ERBB4: variants seen among roughly 807,000 people sequenced by gnomAD.
ERBB4 encodes the protein erb-b2 receptor tyrosine kinase 4.
In ERBB4, 42 loss-of-function variants were observed where a neutral mutation model predicts 158.0. The observed-to-expected ratio is 0.27, with a 90% confidence interval of 0.21 to 0.34. The LOEUF (loss-of-function observed/expected upper bound fraction) is 0.34, where lower values mean the gene tolerates loss of function less well. Among genes scored for constraint, ERBB4 ranks in the 10% least tolerant of loss-of-function variants. The pLI, the probability that ERBB4 is intolerant of heterozygous loss-of-function variation, is 1.00. For missense variants in ERBB4, 1,333 were observed against 1,624.1 expected, an observed-to-expected ratio of 0.82 and a Z score of 3.08; for synonymous variants, 583 against 558.7, an observed-to-expected ratio of 1.04 and a Z score of -0.61.
chr2:212,023,556 A>G (rs2076704946), intron 2 of ERBB4, among the ~76,000 whole-genome samples: 1 of 152,096 alleles, frequency 6.6e-6, no homozygotes, highest in Non-Finnish European at 1.5e-5. Flanking sequence ...CAAAATCTCA[A>G]AAATAATGAT....
At chr2:212,488,405 T>C (rs1690097559) in intron 1 of ERBB4, among the ~76,000 whole-genome samples, 1 of 152,012 alleles carries the variant, frequency 6.6e-6, no homozygotes, top group South Asian at 2.1e-4. Flanking sequence ...CCCTCTAGTT[T>C]TAACCTCTAT....
In ERBB4 at chr2:211,386,974, T is replaced by C. The variant is rs1414633094; in HGVS notation, c.3360A>G (p.Gln1120=). The part of the protein sequence containing the change: ...TLRKPVAPHV[Q]EDSSTQRYSA... ...TGTACCTCTGGGTGCTACTGTCCTC[T>C]TGGACATGGGGTGCCACTGGCTTGC... The change falls in exon 27 of 28, where the codon CAA becomes CAG. Residue 1120 remains glutamine (Q), a synonymous_variant. Transcript: ENST00000342788. 5 of 1,613,986 alleles carry C rather than the reference T, an allele frequency of 3.1e-6. No homozygotes were observed. The highest frequency in any genetic ancestry group is 4.2e-6 in the Non-Finnish European group (5 of 1,179,986).
chr2:211,422,991 T>C (rs1165933202), intron 23 of ERBB4, among the ~76,000 whole-genome samples: 1 of 151,860 alleles, frequency 6.6e-6, no homozygotes, highest in Non-Finnish European at 1.5e-5. Context: ...TTATTCCTAT[T>C]CTGGGAATTT....
chr2:211,591,433 A>G (rs1218365948), intron 19 of ERBB4, among the ~76,000 whole-genome samples: 1 of 152,194 alleles, frequency 6.6e-6, no homozygotes, highest in Non-Finnish European at 1.5e-5. Context: ...AGATTTCAAC[A>G]TGCCAGGGCT....
intron 20 of ERBB4, among the ~76,000 whole-genome samples, chr2:211,559,296 A>T (rs2067322135): frequency 1.3e-5 from 2 of 152,218 alleles, no homozygotes; most frequent in Admixed American, 1.3e-4. Flanking sequence ...TAACCTCCGT[A>T]CATAGACTGC....
chr2:212,497,480 G>A (rs73069023), intron 1 of ERBB4, among the ~76,000 whole-genome samples: 6,801 of 152,212 alleles, frequency 0.045, 514 homozygotes, highest in African/African-American at 0.15. Flanking sequence ...TGACAGTGCA[G>A]TGATATAGGC....
chr2:212,519,908 A>G (rs1392317142), intron 1 of ERBB4, among the ~76,000 whole-genome samples: 2 of 151,968 alleles, frequency 1.3e-5, no homozygotes, highest in Non-Finnish European at 2.9e-5. Context: ...AAGTTAAGAG[A>G]AAATTTTGAG....
intron 20 of ERBB4, among the ~76,000 whole-genome samples, chr2:211,439,964 T>C (rs1427688943): frequency 6.6e-6 from 1 of 152,156 alleles, no homozygotes; most frequent in Admixed American, 6.6e-5. Flanking sequence ...AGAAGTTTCA[T>C]TTACCACTCA....
At chr2:211,615,291 C>T (rs1185684927) in intron 19 of ERBB4, among the ~76,000 whole-genome samples, 2 of 151,480 alleles carry the variant, frequency 1.3e-5, no homozygotes, top group Non-Finnish European at 2.9e-5. Flanking sequence ...TGTTCAATAG[C>T]ATCATTTCTT....
At chr2:212,386,174 A>C (rs978733918) in intron 1 of ERBB4, among the ~76,000 whole-genome samples, 2 of 151,702 alleles carry the variant, frequency 1.3e-5, no homozygotes, top group African/African-American at 4.8e-5. Context: ...TTTAGAACTG[A>C]GTGTTTTTTA....
intron 1 of ERBB4, among the ~76,000 whole-genome samples, chr2:212,306,656 C>T (rs1281174072): frequency 6.6e-6 from 1 of 151,280 alleles, no homozygotes; most frequent in African/African-American, 2.4e-5. Context: ...ACATGCCTGC[C>T]TGGTAAAAGC....
chr2:212,487,366 A>G (rs2106185915), intron 1 of ERBB4, among the ~76,000 whole-genome samples: 1 of 152,230 alleles, frequency 6.6e-6, no homozygotes, highest in South Asian at 2.1e-4. Context: ...TATCTCATGG[A>G]AAAACACTAT....
intron 2 of ERBB4, among the ~76,000 whole-genome samples, chr2:212,088,989 C>T (rs1442345400): frequency 6.6e-6 from 1 of 151,852 alleles, no homozygotes; most frequent in Non-Finnish European, 1.5e-5. Flanking sequence ...CAAAAACAAA[C>T]AAATATGTAA....
intron 2 of ERBB4, among the ~76,000 whole-genome samples, chr2:212,048,665 T>C (rs753293085): frequency 1.2e-4 from 18 of 152,098 alleles, no homozygotes; most frequent in Non-Finnish European, 2.4e-4. Flanking sequence ...TTTGACTTTG[T>C]AAAGTTTGAG....
chr2:211,799,383 T>C (rs1050269519), intron 3 of ERBB4, among the ~76,000 whole-genome samples: 16 of 152,168 alleles, frequency 1.1e-4, no homozygotes, highest in African/African-American at 3.9e-4. Context: ...TCTGCTTTCA[T>C]AGGGTAAATA....
intron 3 of ERBB4, among the ~76,000 whole-genome samples, chr2:211,905,049 C>T (rs1169621491): frequency 2.0e-5 from 3 of 152,080 alleles, no homozygotes; most frequent in African/African-American, 7.2e-5. Flanking sequence ...TAAAAAACAG[C>T]ACAAACTTAC....
chr2:211,746,608 C>T (rs1255840694), intron 5 of ERBB4, among the ~76,000 whole-genome samples: 1 of 152,070 alleles, frequency 6.6e-6, no homozygotes, highest in Non-Finnish European at 1.5e-5. Flanking sequence ...GCGAGTGGAT[C>T]ACCTGAGGTC....
At chr2:211,687,886 A>T (rs1246875294) in intron 12 of ERBB4, among the ~76,000 whole-genome samples, 1 of 152,134 alleles carries the variant, frequency 6.6e-6, no homozygotes, top group African/African-American at 2.4e-5. Flanking sequence ...CGGGAGGAAA[A>T]GGTAAAAGTA....
At chr2:212,259,208 C>A (rs570540604) in intron 1 of ERBB4, among the ~76,000 whole-genome samples, 1 of 152,150 alleles carries the variant, frequency 6.6e-6, no homozygotes, top group Non-Finnish European at 1.5e-5. Flanking sequence ...TTTGAACATG[C>A]AATATTAAAA....
Sources: gnomAD v4.1 joint callset for allele counts (sites outside exome capture counted in the v4.1 genomes callset) on GRCh38, gnomAD v4.1.1 for gene constraint, MANE v1.5 for transcripts, NCBI Gene and HGNC (gene_info 2026-07-23, HGNC 2026-07-21) for gene names.